The following PRKN variants were observed in gnomAD, a reference collection of about 807,000 sequenced individuals.
PRKN encodes the protein parkin RBR E3 ubiquitin protein ligase.
PRKN carries 56 observed loss-of-function variants against 59.5 expected under a neutral mutation model. The observed-to-expected ratio is 0.94, with a 90% CI of 0.76 to 1.18. PRKN has a LOEUF of 1.18. Ranked by LOEUF, PRKN falls within the 50% of genes most tolerant of loss-of-function variation. The pLI is 0.00. For synonymous variants in PRKN, 250 were observed against 222.1 expected (o/e 1.13, Z -1.12); for missense variants, 657 against 596.4 (o/e 1.10, Z -1.06).
Position 162,415,712 on chromosome 6 carries a change from G to C in PRKN, c.171+27598C>G, listed in dbSNP as rs192772403. ...CCCATCTGTAGTCCCAGCTACTTGGGAGGCTGAGGCAAGGGAATCGCTTGA... is the reference window on the plus strand; with the variant it reads ...CCCATCTGTAGTCCCAGCTACTTGGCAGGCTGAGGCAAGGGAATCGCTTGA... On this transcript the variant is annotated intron_variant, in intron 2 of 11. Coordinates refer to ENST00000366898, the MANE Select transcript of PRKN (RefSeq NM_004562.3). Among the ~76,000 whole-genome samples, 287 of 152,214 alleles carry C rather than the reference G, an allele frequency of 1.9e-3. 2 individuals are homozygous for C. Among genetic ancestry groups the C allele is most frequent in the Non-Finnish European group, 2.0e-3 (139 of 68,010 alleles).
At chr6:162,651,368 T>G (rs964775488) in intron 1 of PRKN, among the ~76,000 whole-genome samples, 1 of 152,152 alleles carries the variant, frequency 6.6e-6, no homozygotes, top group Non-Finnish European at 1.5e-5. Flanking sequence ...ACTCTGTAAG[T>G]CTGAAAATAA....
chr6:162,032,222 T>C (rs1056011298), intron 5 of PRKN, among the ~76,000 whole-genome samples: 1 of 152,190 alleles, frequency 6.6e-6, no homozygotes, highest in African/African-American at 2.4e-5. Flanking sequence ...CTTGCATAAA[T>C]GTATTTCTGC....
intron 2 of PRKN, among the ~76,000 whole-genome samples, chr6:162,323,775 T>C (rs1035270669): frequency 3.3e-5 from 5 of 152,088 alleles, no homozygotes; most frequent in Non-Finnish European, 5.9e-5. Flanking sequence ...AGGTTGGGAA[T>C]AACTGAAACT....
chr6:162,565,731 TACATAC>T, intron 1 of PRKN, among the ~76,000 whole-genome samples: 1 of 143,958 alleles, frequency 6.9e-6, no homozygotes, highest in East Asian at 2.0e-4. Flanking sequence ...CATACATACA[TACATAC>T]ATATAATGAA....
rs557046719 is a variant in PRKN at position 161,482,287 on chromosome 6, C to T, written c.1083+66567G>A. On this transcript the variant is annotated intron_variant, in intron 9 of 11. Transcript: ENST00000366898. ...GAACTGTGTGGCAAACATTTACTAA[C>T]CAGGTTCTCATGACCTATTGACTGT... Among the ~76,000 whole-genome samples, 168 of 149,424 alleles carry T rather than the reference C, an allele frequency of 1.1e-3. No individual in the cohort carries two copies. In the South Asian group the frequency reaches 0.019, roughly 17 times the overall value.
chr6:161,766,092 T>C (rs1018879302), intron 7 of PRKN, among the ~76,000 whole-genome samples: 12 of 152,162 alleles, frequency 7.9e-5, no homozygotes, highest in Non-Finnish European at 1.8e-4. Flanking sequence ...CTTTGTCATT[T>C]TGCAGTTAGG....
At chr6:161,915,380 C>T (rs1778516779) in intron 6 of PRKN, among the ~76,000 whole-genome samples, 1 of 152,312 alleles carries the variant, frequency 6.6e-6, no homozygotes, top group Non-Finnish European at 1.5e-5. Context: ...TCTTATTATT[C>T]TATGTACAAA....
At chr6:162,169,218 A>G (rs1183719810) in intron 4 of PRKN, among the ~76,000 whole-genome samples, 1 of 152,228 alleles carries the variant, frequency 6.6e-6, no homozygotes, top group Non-Finnish European at 1.5e-5. Flanking sequence ...CTGGCTTCAA[A>G]GTCAGAAATC....
intron 2 of PRKN, among the ~76,000 whole-genome samples, chr6:162,329,787 T>A (rs183628373): frequency 6.6e-6 from 1 of 152,208 alleles, no homozygotes; most frequent in Admixed American, 6.5e-5. Context: ...ATAAAATAAA[T>A]CCTGTAAAAC....
chr6:162,304,134 AG>A (rs1161470643), intron 2 of PRKN, among the ~76,000 whole-genome samples: 1 of 139,356 alleles, frequency 7.2e-6, no homozygotes, highest in African/African-American at 2.7e-5. Context: ...CATTTGGAAT[AG>A]GCCTTTTCCT....
chr6:162,181,768 T>G (rs1162704733), intron 4 of PRKN, among the ~76,000 whole-genome samples: 1 of 152,168 alleles, frequency 6.6e-6, no homozygotes, highest in Non-Finnish European at 1.5e-5. Flanking sequence ...CATCATTGCT[T>G]GTCAGCTTCC....
At chr6:161,721,935 G>C (rs912695499) in intron 7 of PRKN, among the ~76,000 whole-genome samples, 1 of 152,136 alleles carries the variant, frequency 6.6e-6, no homozygotes, top group African/African-American at 2.4e-5. Flanking sequence ...TTTTTGAAAA[G>C]GGGATTAGAA....
rs1264588450 is a variant in PRKN at position 161,399,733 on chromosome 6, G to A, written c.1084-12856C>T. On this transcript the variant is annotated intron_variant, in intron 9 of 11. Transcript: ENST00000366898. The surrounding 1 kb of genome is among the most constrained non-coding windows in gnomAD (Gnocchi z 4.4). ...CTAGGGATGATGCCAGCATTCTAGTGTAATTCACTCTGCTAGTGTAATTCT... is the reference window on the plus strand; with the variant it reads ...CTAGGGATGATGCCAGCATTCTAGTATAATTCACTCTGCTAGTGTAATTCT... Among the ~76,000 whole-genome samples, 1 of 152,072 alleles carries A rather than the reference G, an allele frequency of 6.6e-6. No individual in the cohort carries two copies. The highest frequency in any genetic ancestry group is 6.5e-5 in the Admixed American group (1 of 15,272).
chr6:162,320,022 A>G (rs1427836555), intron 2 of PRKN, among the ~76,000 whole-genome samples: 1 of 151,882 alleles, frequency 6.6e-6, no homozygotes, highest in Non-Finnish European at 1.5e-5. Flanking sequence ...GTCCATGTGT[A>G]CACATTCTTT....
intron 1 of PRKN, among the ~76,000 whole-genome samples, chr6:162,562,586 G>A (rs1779887436): frequency 6.6e-6 from 1 of 152,182 alleles, no homozygotes; most frequent in Non-Finnish European, 1.5e-5. Flanking sequence ...TGGGGTAGTG[G>A]TGATTACAGG....
chr6:161,708,997 T>G (rs371708818), intron 7 of PRKN, among the ~76,000 whole-genome samples: 1 of 152,368 alleles, frequency 6.6e-6, no homozygotes, highest in African/African-American at 2.4e-5. Flanking sequence ...CTATGACAAC[T>G]GAGCACTTGA....
In PRKN at chr6:161,457,947, G is replaced by C. The variant is rs912756354; in HGVS notation, c.1084-71070C>G. Among the ~76,000 whole-genome samples, 1 of 152,218 alleles carries C rather than the reference G, an allele frequency of 6.6e-6. No individual in the cohort carries two copies. Among genetic ancestry groups the C allele is most frequent in the Admixed American group, 6.5e-5 (1 of 15,284 alleles). ...CAGAAAAGGTGATTTGGTGTTTCAA[G>C]GGTTGTGGGCTTTTATGGGACACAA... On this transcript the variant is annotated intron_variant, in intron 9 of 11. Transcript: ENST00000366898. This position sits in a 1 kb window ranked among gnomAD's most constrained non-coding sequence, Gnocchi z 5.0.
chr6:161,704,606 C>A (rs372664552), intron 7 of PRKN, among the ~76,000 whole-genome samples: 1 of 152,162 alleles, frequency 6.6e-6, no homozygotes, highest in Non-Finnish European at 1.5e-5. Context: ...AAAATCTGCA[C>A]ACCCAGGTCC....
At chr6:162,072,123 G>A (rs1778603058) in intron 4 of PRKN, among the ~76,000 whole-genome samples, 1 of 152,044 alleles carries the variant, frequency 6.6e-6, no homozygotes, top group Non-Finnish European at 1.5e-5. Context: ...ACGTCAGGAG[G>A]ATAAAAGTGA....
Sources: allele counts gnomAD v4.1 joint callset (sites outside exome capture counted in the v4.1 genomes callset), GRCh38; gene constraint gnomAD v4.1.1; non-coding constraint Gnocchi (gnomAD v3.1); transcripts MANE v1.5; gene names NCBI Gene and HGNC (gene_info 2026-07-23, HGNC 2026-07-21).